Variants in PHF14 observed in about 807,000 individuals in gnomAD.
PHF14 encodes the protein PHD finger protein 14.
In PHF14, 55 loss-of-function variants were observed where a neutral mutation model predicts 117.9. That is an observed-to-expected ratio of 0.47 (90% confidence interval 0.38 to 0.58). PHF14 has a LOEUF of 0.58. Ranked by LOEUF, PHF14 falls within the 20% of genes least tolerant of loss-of-function variation. The probability of loss-of-function intolerance (pLI) is 0.00; values close to 1 mark genes in which losing one functional copy is unlikely to be tolerated. For synonymous variants in PHF14, 409 were observed against 368.6 expected, an observed-to-expected ratio of 1.11 and a Z score of -1.26; for missense variants, 978 against 1,122.2, an observed-to-expected ratio of 0.87 and a Z score of 1.84.
At position 11,042,406 on chromosome 7, in the gene PHF14, A is replaced by G. The variant is rs889373882; in HGVS notation, c.2181-277A>G. ...TTAAAATGAATATGATGTTGAGGAT[A>G]AATACCTTATATATGTAATTCTTTA... On this transcript the variant is annotated intron_variant, in intron 12 of 17. Coordinates refer to ENST00000634607, the MANE Select transcript of PHF14 (RefSeq NM_001007157.2). Among the ~76,000 whole-genome samples, 3 of 152,056 alleles carry G rather than the reference A, an allele frequency of 2.0e-5. No individual in the cohort carries two copies. In the East Asian group the frequency reaches 5.8e-4, roughly 29 times the overall value.
In PHF14 at chr7:10,973,927, C is replaced by G. The variant is rs564199002; in HGVS notation, c.-397C>G. Reference sequence around the variant, plus strand: ...TGCTTTCCCTATTGTCTGAGGCAGCCGCCCTCGCGCTGTGCAATTTCTGGT... The same window carrying G: ...TGCTTTCCCTATTGTCTGAGGCAGCGGCCCTCGCGCTGTGCAATTTCTGGT... On this transcript the variant is annotated 5_prime_UTR_variant, in exon 1 of 18. Coordinates refer to ENST00000634607, the MANE Select transcript of PHF14 (RefSeq NM_001007157.2). 1.1e-5 allele frequency: 2 copies of G among 182,864 alleles called. No individual in the cohort carries two copies. Among genetic ancestry groups the G allele is most frequent in the African/African-American group, 4.8e-5 (2 of 42,062 alleles). The allele number at this position is 182,864 out of a possible 1,614,324, so 11.3% of individuals were successfully genotyped here.
At position 11,051,664 on chromosome 7, in the gene PHF14, G is replaced by A. The variant is rs1008388745; in HGVS notation, c.2365G>A (p.Ala789Thr). 6.2e-7 allele frequency: 1 copy of A among 1,613,486 alleles called. No individual in the cohort carries two copies. Among genetic ancestry groups the A allele is most frequent in the Non-Finnish European group, 8.5e-7 (1 of 1,179,690 alleles). ...GAGCAGTGACATGGAAGCAGATATG[G>A]CCATGGAAACCCTACCAGATGGAAC... The part of the protein sequence containing the change: ...AGSSDMEADM[A>T]METLPDGTKR... Residue 789 changes from alanine to threonine, a missense_variant, in exon 14 of 18, where the codon GCC becomes ACC. Physicochemically the swap from Ala to Thr is moderately conservative, Grantham distance 58. Around this residue, in one of 7 missense-constraint regions of PHF14, gnomAD observed 180 missense variants for 195.4 expected, o/e 0.92. Coordinates refer to ENST00000634607, the MANE Select transcript of PHF14 (RefSeq NM_001007157.2).
intron 17 of PHF14, among the ~76,000 whole-genome samples, chr7:11,113,690 T>C (rs188192414): frequency 6.6e-6 from 1 of 152,276 alleles, no homozygotes; most frequent in African/African-American, 2.4e-5. Flanking sequence ...CCTTGAATAT[T>C]TGTGCTGCAT....
At chr7:11,122,352 T>TATATATATATATATATACACACACAC in intron 17 of PHF14, among the ~76,000 whole-genome samples, 74 of 65,822 alleles carry the variant, frequency 1.1e-3, no homozygotes, top group South Asian at 2.5e-3. Context: ...TATATATATA[T>TATATATATATATATATACACACACAC]ACACACACAC....
intron 16 of PHF14, among the ~76,000 whole-genome samples, chr7:11,066,606 A>C (rs1785433018): frequency 1.3e-5 from 2 of 152,300 alleles, no homozygotes; most frequent in South Asian, 4.1e-4. Context: ...ATATGGTTTC[A>C]GGTAGAGTTA....
intron 7 of PHF14, among the ~76,000 whole-genome samples, chr7:11,033,627 A>G (rs746780635): frequency 5.9e-5 from 9 of 152,172 alleles, no homozygotes; most frequent in Non-Finnish European, 1.0e-4. Context: ...TTGTAAGACA[A>G]TTAGTAGTTT....
At chr7:10,975,422 A>G (rs1410146782) in intron 2 of PHF14, among the ~76,000 whole-genome samples, 1 of 152,188 alleles carries the variant, frequency 6.6e-6, no homozygotes, top group African/African-American at 2.4e-5. Flanking sequence ...ACTTCAAATT[A>G]TAGTAGGTGC....
Position 11,119,821 on chromosome 7 carries a change from A to G in PHF14, c.2772+8354A>G, listed in dbSNP as rs188424152. 6.2e-4 allele frequency among the ~76,000 whole-genome samples: 94 copies of G among 152,066 alleles called. No individual in the cohort carries two copies. In the East Asian group the frequency reaches 0.014, roughly 22 times the overall value. Reference sequence around the variant, plus strand: ...CTAAGCCAAGAAAATTCGAAAAATGAACTCTGGTAGTTAATGGAATTGAGT... The same window carrying G: ...CTAAGCCAAGAAAATTCGAAAAATGGACTCTGGTAGTTAATGGAATTGAGT... On this transcript the variant is annotated intron_variant, in intron 17 of 17. Transcript: ENST00000634607.
intron 4 of PHF14, among the ~76,000 whole-genome samples, chr7:11,011,998 G>A (rs1305818152): frequency 3.9e-5 from 6 of 152,034 alleles, no homozygotes; most frequent in Non-Finnish European, 7.4e-5. Flanking sequence ...AAACTTTTAG[G>A]CATCTTGATG....
chr7:11,062,806 AAG>A (rs1248954784), intron 16 of PHF14: 26 of 985,202 alleles, frequency 2.6e-5, no homozygotes, highest in Non-Finnish European at 2.9e-5. Flanking sequence ...TGTGAACAAA[AAG>A]AGAGCTAATT....
At chr7:11,063,161 T>A (rs918203692) in intron 16 of PHF14, 14 of 969,472 alleles carry the variant, frequency 1.4e-5, no homozygotes, top group Non-Finnish European at 1.7e-5. Flanking sequence ...AAAATTACAG[T>A]AGAAAAAGAC....
chr7:10,988,955 T>C (rs1782344703), intron 3 of PHF14, among the ~76,000 whole-genome samples: 1 of 152,182 alleles, frequency 6.6e-6, no homozygotes. Flanking sequence ...GCATGGCTAG[T>C]AGTATGAAAA....
chr7:10,999,532 T>C (rs1644937666), intron 4 of PHF14, among the ~76,000 whole-genome samples: 1 of 152,200 alleles, frequency 6.6e-6, no homozygotes, highest in Non-Finnish European at 1.5e-5. Flanking sequence ...ATTTTGTTGT[T>C]TTTGAGTCAT....
intron 17 of PHF14, among the ~76,000 whole-genome samples, chr7:11,120,087 C>T (rs1027470317): frequency 3.3e-5 from 5 of 151,756 alleles, no homozygotes; most frequent in African/African-American, 1.2e-4. Context: ...TGGCGGAGTT[C>T]TTATAATTGG....
chr7:11,110,467 T>C, intron 16 of PHF14: 1 of 790,604 alleles, frequency 1.3e-6, no homozygotes, highest in Non-Finnish European at 1.5e-6. Context: ...TTCCAACTGA[T>C]GCAAAATTCT....
intron 17 of PHF14, among the ~76,000 whole-genome samples, chr7:11,162,496 C>A (rs1265809985): frequency 6.6e-6 from 1 of 151,856 alleles, no homozygotes; most frequent in Non-Finnish European, 1.5e-5. Flanking sequence ...AAGAGTCTAC[C>A]CTAACTCATA....
In PHF14 at chr7:10,974,341, C is replaced by A. The variant is rs757044561; in HGVS notation, c.1+17C>A. On this transcript the variant is annotated intron_variant, in intron 1 of 17. Transcript: ENST00000634607. ...GATTCCTTAGTAAGTGTATCCGAGG[C>A]CTCTGCGGCGAGAGGTCCATTTCAG... 3 of 1,586,520 alleles carry A rather than the reference C, an allele frequency of 1.9e-6. No individual in the cohort carries two copies. Among genetic ancestry groups the A allele is most frequent in the Non-Finnish European group, 2.6e-6 (3 of 1,164,866 alleles).
At chr7:11,041,497 G>T (rs1784505056) in intron 12 of PHF14, among the ~76,000 whole-genome samples, 1 of 151,568 alleles carries the variant, frequency 6.6e-6, no homozygotes, top group African/African-American at 2.4e-5. Flanking sequence ...TGTTATGCAT[G>T]TGTAAATACA....
At chr7:11,019,515 A>T (rs1307527612) in intron 5 of PHF14, among the ~76,000 whole-genome samples, 3 of 152,100 alleles carry the variant, frequency 2.0e-5, no homozygotes, top group African/African-American at 7.2e-5. Flanking sequence ...TAGATTTTCT[A>T]ATTTATTGGC....
Sources: allele counts gnomAD v4.1 joint callset (sites outside exome capture counted in the v4.1 genomes callset), GRCh38; gene constraint gnomAD v4.1.1; regional missense constraint gnomAD v4.1.1; transcripts MANE v1.5; gene names NCBI Gene and HGNC (gene_info 2026-07-23, HGNC 2026-07-21).